The following EFNA5 variants were observed in gnomAD, a reference collection of about 807,000 sequenced individuals.
The protein encoded by EFNA5 is ephrin A5, also known as ephrin-A5.
In EFNA5, 5 loss-of-function variants were observed where a neutral mutation model predicts 22.9. That is an observed-to-expected ratio of 0.22 (90% CI 0.11 to 0.46). EFNA5 has a LOEUF of 0.46. Among genes scored for constraint, EFNA5 ranks in the 20% least tolerant of loss-of-function variants. The pLI is 0.99. For synonymous variants in EFNA5, 113 were observed against 112.2 expected, an observed-to-expected ratio of 1.01 and a Z score of -0.04; for missense variants, 237 against 293.3, an observed-to-expected ratio of 0.81 and a Z score of 1.40.
chr5:107,528,361 T>C (rs767406043), intron 1 of EFNA5, among the ~76,000 whole-genome samples: 29 of 151,140 alleles, frequency 1.9e-4, no homozygotes, highest in Non-Finnish European at 3.4e-4. Context: ...TTATTTGTGA[T>C]AAGAAAACAG....
At chr5:107,583,082 A>G (rs564815755) in intron 1 of EFNA5, among the ~76,000 whole-genome samples, 1 of 152,314 alleles carries the variant, frequency 6.6e-6, no homozygotes, top group African/African-American at 2.4e-5. Flanking sequence ...AACTAATCAT[A>G]AAGAACCAGG....
chr5:107,402,022 C>A (rs1748099555), intron 2 of EFNA5, among the ~76,000 whole-genome samples: 1 of 152,162 alleles, frequency 6.6e-6, no homozygotes, highest in South Asian at 2.1e-4. Flanking sequence ...TAGAAAAAGG[C>A]ACTTCATAAA....
At chr5:107,513,136 C>T (rs1476969695) in intron 1 of EFNA5, among the ~76,000 whole-genome samples, 1 of 152,142 alleles carries the variant, frequency 6.6e-6, no homozygotes, top group African/African-American at 2.4e-5. Flanking sequence ...GCCTCTGTAG[C>T]TTTGTTTCAG....
chr5:107,554,917 C>A (rs933383123), intron 1 of EFNA5, among the ~76,000 whole-genome samples: 1 of 152,216 alleles, frequency 6.6e-6, no homozygotes, highest in Non-Finnish European at 1.5e-5. Context: ...ACAGCAGCTT[C>A]TGCCAGCTGG....
At chr5:107,611,046 T>G (rs2112520716) in intron 1 of EFNA5, among the ~76,000 whole-genome samples, 1 of 152,296 alleles carries the variant, frequency 6.6e-6, no homozygotes, top group East Asian at 1.9e-4. Flanking sequence ...TTCCCAATGA[T>G]ATTCTGTCTC....
chr5:107,519,533 A>G (rs79518563), intron 1 of EFNA5, among the ~76,000 whole-genome samples: 69 of 152,352 alleles, frequency 4.5e-4, no homozygotes, highest in African/African-American at 1.6e-3. Flanking sequence ...CTGAAACAAT[A>G]AACAGACATG....
At chr5:107,585,567 A>T (rs1278738667) in intron 1 of EFNA5, among the ~76,000 whole-genome samples, 1 of 152,214 alleles carries the variant, frequency 6.6e-6, no homozygotes, top group Non-Finnish European at 1.5e-5. Context: ...AAAAAGCACA[A>T]ATAAGGGAAG....
chr5:107,458,504 G>A (rs1749751423), intron 1 of EFNA5, among the ~76,000 whole-genome samples: 2 of 151,850 alleles, frequency 1.3e-5, no homozygotes, highest in South Asian at 2.1e-4. Context: ...GATAGGATGG[G>A]CAGCATGAGG....
intron 1 of EFNA5, among the ~76,000 whole-genome samples, chr5:107,518,383 TAGG>T (rs376977628): frequency 6.6e-6 from 1 of 151,968 alleles, no homozygotes; most frequent in African/African-American, 2.4e-5. Context: ...TTGGTGTTAG[TAGG>T]AGAGTTGATA....
chr5:107,459,332 G>C (rs1749775586), intron 1 of EFNA5, among the ~76,000 whole-genome samples: 1 of 147,468 alleles, frequency 6.8e-6, no homozygotes, highest in Non-Finnish European at 1.5e-5. Flanking sequence ...CAGCCTGGGT[G>C]ACAGAGCAAG....
chr5:107,606,697 A>T (rs1749732884), intron 1 of EFNA5, among the ~76,000 whole-genome samples: 1 of 152,136 alleles, frequency 6.6e-6, no homozygotes, highest in African/African-American at 2.4e-5. Context: ...TAAAATCAAG[A>T]TGATAATTCC....
At chr5:107,454,872 G>C (rs1156758614) in intron 1 of EFNA5, among the ~76,000 whole-genome samples, 1 of 152,146 alleles carries the variant, frequency 6.6e-6, no homozygotes, top group Non-Finnish European at 1.5e-5. Flanking sequence ...ATGAGAGAAT[G>C]AGAGGGAACA....
At chr5:107,623,954 AT>A (rs985674225) in intron 1 of EFNA5, among the ~76,000 whole-genome samples, 13 of 151,926 alleles carry the variant, frequency 8.6e-5, no homozygotes, top group African/African-American at 3.1e-4. Context: ...GAAAGGTAGA[AT>A]TTTTTTTCCA....
chr5:107,657,434 G>A (rs1246099975), intron 1 of EFNA5, among the ~76,000 whole-genome samples: 1 of 152,032 alleles, frequency 6.6e-6, no homozygotes, highest in Non-Finnish European at 1.5e-5. Flanking sequence ...CACTGTTTGA[G>A]AACCCTCGTT....
intron 2 of EFNA5, chr5:107,388,558 T>C (rs1747699439): frequency 1.3e-5 from 2 of 152,092 alleles, no homozygotes; most frequent in Admixed American, 1.3e-4. Flanking sequence ...TTCAAGATAA[T>C]AAGACTGTAA....
At chr5:107,546,722 A>T (rs1748166737) in intron 1 of EFNA5, among the ~76,000 whole-genome samples, 1 of 151,544 alleles carries the variant, frequency 6.6e-6, no homozygotes, top group African/African-American at 2.4e-5. Flanking sequence ...TTTTTTTTTT[A>T]AATAAAATAC....
chr5:107,619,435 C>T (rs562110392), intron 1 of EFNA5, among the ~76,000 whole-genome samples: 2 of 151,696 alleles, frequency 1.3e-5, no homozygotes, highest in African/African-American at 2.4e-5. Context: ...CTAAATCATG[C>T]TCCTTTCTGA....
intron 2 of EFNA5, among the ~76,000 whole-genome samples, chr5:107,408,822 C>T (rs1345453357): frequency 1.3e-5 from 2 of 152,246 alleles, no homozygotes; most frequent in Non-Finnish European, 2.9e-5. Flanking sequence ...TCCTCCTTCC[C>T]TTCCTTGTGC....
At chr5:107,669,794 G>C (rs900868846) in intron 1 of EFNA5, among the ~76,000 whole-genome samples, 2 of 152,116 alleles carry the variant, frequency 1.3e-5, no homozygotes, top group African/African-American at 4.8e-5. Context: ...CCCGGCATTA[G>C]ATCAAACTTT....
Sources: gnomAD v4.1 joint callset for allele counts (sites outside exome capture counted in the v4.1 genomes callset) on GRCh38, gnomAD v4.1.1 for gene constraint, MANE v1.5 for transcripts, NCBI Gene and HGNC (gene_info 2026-07-23, HGNC 2026-07-21) for gene names.